The following DPF3 variants were observed in gnomAD, a reference collection of about 807,000 sequenced individuals.
The protein encoded by DPF3 is double PHD fingers 3.
In DPF3, 18 loss-of-function variants were observed where a neutral mutation model predicts 56.8. The observed-to-expected ratio is 0.32, with a 90% confidence interval of 0.22 to 0.47. The LOEUF (loss-of-function observed/expected upper bound fraction) is 0.47, where lower values mean the gene tolerates loss of function less well. DPF3 is among the 20% of genes least tolerant of loss of function. DPF3 has a pLI of 1.00. For synonymous variants in DPF3, 188 were observed against 180.2 expected (o/e 1.04, Z -0.35); for missense variants, 403 against 488.8 (o/e 0.82, Z 1.65).
intron 1 of DPF3, among the ~76,000 whole-genome samples, chr14:72,808,519 G>A (rs532880511): frequency 5.9e-5 from 9 of 152,298 alleles, no homozygotes; most frequent in East Asian, 1.9e-4. Flanking sequence ...CTTGCAGGAC[G>A]TAAAATGCCT....
intron 3 of DPF3, among the ~76,000 whole-genome samples, chr14:72,740,753 G>C (rs1034534903): frequency 3.3e-5 from 5 of 152,230 alleles, no homozygotes; most frequent in Admixed American, 2.0e-4. Context: ...AAAGCAGAGA[G>C]GAGGCCTTCC....
At chr14:72,885,386 GTTTGTTTGT>G (rs1886505688) in intron 1 of DPF3, among the ~76,000 whole-genome samples, 1 of 151,318 alleles carries the variant, frequency 6.6e-6, no homozygotes, top group African/African-American at 2.4e-5. Context: ...TTGTTTGTTT[GTTTGTTTGT>G]TTGTTTGTTT....
At chr14:72,886,189 T>C (rs1017294497) in intron 1 of DPF3, among the ~76,000 whole-genome samples, 8 of 152,000 alleles carry the variant, frequency 5.3e-5, no homozygotes, top group African/African-American at 1.9e-4. Context: ...CTGGCCAACA[T>C]GGTGAAATGC....
chr14:72,763,474 A>G (rs1227736469), intron 2 of DPF3, among the ~76,000 whole-genome samples: 1 of 152,166 alleles, frequency 6.6e-6, no homozygotes, highest in Admixed American at 6.5e-5. Context: ...ATTTTTGACA[A>G]GCCAATTAAG....
Position 72,618,916 on chromosome 14 carries a change from T to C in DPF3, c.*381A>G, listed in dbSNP as rs919579706. ...TGTGCCAAGATTTCTTGGAACACAA[T>C]AGATAAAAAAACACCACACTACACA... On this transcript the variant is annotated 3_prime_UTR_variant, in exon 11 of 11. Transcript: ENST00000556509. Among the ~76,000 whole-genome samples the C allele has an allele frequency of 3.3e-5, 5 of 152,018 alleles. No homozygotes were observed. In the East Asian group the frequency reaches 9.7e-4, roughly 29 times the overall value.
intron 1 of DPF3, among the ~76,000 whole-genome samples, chr14:72,776,859 T>C (rs191819643): frequency 1.6e-5 from 2 of 128,796 alleles, no homozygotes; most frequent in East Asian, 5.4e-4. Flanking sequence ...TCAATCCTCC[T>C]AGGGGCGGGG....
At chr14:72,843,282 A>C (rs986211133) in intron 1 of DPF3, among the ~76,000 whole-genome samples, 2 of 152,178 alleles carry the variant, frequency 1.3e-5, no homozygotes, top group Non-Finnish European at 2.9e-5. Context: ...AGTCCAACAC[A>C]CTATCCATTA....
chr14:72,615,703 C>A lies in DPF3; in HGVS notation c.*3594G>T, dbSNP rs1884050508. 1.3e-5 allele frequency among the ~76,000 whole-genome samples: 2 copies of A among 152,228 alleles called. No individual in the cohort carries two copies. The highest frequency in any genetic ancestry group is 4.1e-4 in the South Asian group (2 of 4,832). On this transcript the variant is annotated 3_prime_UTR_variant, in exon 11 of 11. Coordinates refer to ENST00000556509, the MANE Select transcript of DPF3 (RefSeq NM_001280542.3). ...CCTCGCCCTGGGGCAGGGACAGGAG[C>A]AGGGGAGCCTTGGGACCTGCTGGCT...
chr14:72,688,239 A>G, intron 7 of DPF3, among the ~76,000 whole-genome samples: 1 of 86,060 alleles, frequency 1.2e-5, no homozygotes, highest in Non-Finnish European at 2.3e-5. Flanking sequence ...GATGGATGGG[A>G]TGGATGGATG....
chr14:72,722,442 C>T (rs1432307916), intron 5 of DPF3, among the ~76,000 whole-genome samples: 1 of 152,208 alleles, frequency 6.6e-6, no homozygotes, highest in East Asian at 1.9e-4. Context: ...TAGTATAAAG[C>T]CCTGCCCCAG....
At chr14:72,817,421 C>T (rs1307494584) in intron 1 of DPF3, among the ~76,000 whole-genome samples, 3 of 152,222 alleles carry the variant, frequency 2.0e-5, no homozygotes, top group Non-Finnish European at 2.9e-5. Context: ...CTTTAAGAGG[C>T]CAAGGTGGGT....
intron 2 of DPF3, among the ~76,000 whole-genome samples, chr14:72,755,487 T>C (rs895555277): frequency 4.6e-5 from 7 of 152,152 alleles, no homozygotes; most frequent in African/African-American, 1.7e-4. Flanking sequence ...CTGGGAAGCA[T>C]CCTAACACCT....
At chr14:72,890,609 T>C (rs1028031165) in intron 1 of DPF3, among the ~76,000 whole-genome samples, 3 of 152,186 alleles carry the variant, frequency 2.0e-5, no homozygotes, top group Non-Finnish European at 4.4e-5. Context: ...TTATGTTACC[T>C]GCATGTGTTT....
chr14:72,722,765 G>A (rs377724649), intron 5 of DPF3, among the ~76,000 whole-genome samples: 2 of 152,160 alleles, frequency 1.3e-5, no homozygotes, highest in South Asian at 2.1e-4. Context: ...GACCCCAGAC[G>A]GCCACCACAG....
chr14:72,785,338 T>G lies in DPF3; in HGVS notation c.33-13445A>C, dbSNP rs565536189. 2.6e-5 allele frequency among the ~76,000 whole-genome samples: 4 copies of G among 152,298 alleles called. No individual in the cohort carries two copies. In the East Asian group the frequency reaches 7.7e-4, roughly 29 times the overall value. On this transcript the variant is annotated intron_variant, in intron 1 of 10. Transcript: ENST00000556509. Reference sequence around the variant, plus strand: ...TTATTCCCATACAACTCCATGATTTTATACCCACCCCCTCACACACCCCAC... The same window carrying G: ...TTATTCCCATACAACTCCATGATTTGATACCCACCCCCTCACACACCCCAC...
At chr14:72,867,293 C>A (rs1257549686) in intron 1 of DPF3, among the ~76,000 whole-genome samples, 1 of 152,172 alleles carries the variant, frequency 6.6e-6, no homozygotes, top group South Asian at 2.1e-4. Flanking sequence ...TATGGAGAAC[C>A]TGATCCCAGG....
At chr14:72,771,471 C>T (rs1336451434) in intron 2 of DPF3, among the ~76,000 whole-genome samples, 2 of 152,144 alleles carry the variant, frequency 1.3e-5, no homozygotes, top group African/African-American at 2.4e-5. Flanking sequence ...GGGATAAACA[C>T]CTTTAGCTCT....
intron 2 of DPF3, among the ~76,000 whole-genome samples, chr14:72,765,201 T>C (rs929109533): frequency 2.0e-5 from 3 of 152,242 alleles, no homozygotes; most frequent in Admixed American, 2.0e-4. Flanking sequence ...AATGAAATAC[T>C]ACTATATATC....
At chr14:72,638,673 CA>C (rs1885454694) in intron 8 of DPF3, among the ~76,000 whole-genome samples, 1 of 151,988 alleles carries the variant, frequency 6.6e-6, no homozygotes, top group South Asian at 2.1e-4. Context: ...TTTTTTCTTC[CA>C]AAAAATATTC....
Sources: allele counts gnomAD v4.1 joint callset (sites outside exome capture counted in the v4.1 genomes callset), GRCh38; gene constraint gnomAD v4.1.1; transcripts MANE v1.5; gene names NCBI Gene and HGNC (gene_info 2026-07-23, HGNC 2026-07-21).